Variants in CNTN3 observed in about 807,000 individuals in gnomAD.
CNTN3 encodes the protein contactin 3, also known as contactin-3.
CNTN3 carries 60 observed loss-of-function variants against 119.1 expected under a neutral mutation model. That is an observed-to-expected ratio of 0.50 (90% CI 0.41 to 0.62). CNTN3 has a LOEUF of 0.62. Ranked by LOEUF, CNTN3 falls within the 20% of genes least tolerant of loss-of-function variation. The pLI, the probability that CNTN3 is intolerant of heterozygous loss-of-function variation, is 0.00. For missense variants in CNTN3, 1,101 were observed against 1,242.4 expected (o/e 0.89, Z 1.71); for synonymous variants, 450 against 438.7 (o/e 1.03, Z -0.32).
intron 3 of CNTN3, among the ~76,000 whole-genome samples, chr3:74,493,148 G>T (rs576968373): frequency 6.6e-6 from 1 of 152,060 alleles, no homozygotes; most frequent in Admixed American, 6.6e-5. Context: ...TATCAGAAAT[G>T]GCAACCTTTT....
intron 1 of CNTN3, among the ~76,000 whole-genome samples, chr3:74,613,608 G>A (rs924072071): frequency 2.0e-5 from 3 of 152,164 alleles, no homozygotes; most frequent in Admixed American, 6.5e-5. Flanking sequence ...ATACGGATTG[G>A]AGAGTTGTAC....
chr3:74,612,555 C>G (rs901076787), intron 1 of CNTN3, among the ~76,000 whole-genome samples: 4 of 152,166 alleles, frequency 2.6e-5, no homozygotes, highest in Non-Finnish European at 5.9e-5. Context: ...TCTGTGGCGG[C>G]CACAGCCTGA....
intron 11 of CNTN3, among the ~76,000 whole-genome samples, chr3:74,345,150 C>T (rs1461855639): frequency 6.6e-6 from 1 of 152,194 alleles, no homozygotes; most frequent in Non-Finnish European, 1.5e-5. Flanking sequence ...TAATGTTGCT[C>T]AAGAAGCTGG....
chr3:74,295,417 T>A (rs902723441), intron 18 of CNTN3, among the ~76,000 whole-genome samples, 181 bp from the exon 19 acceptor site: 1 of 152,222 alleles, frequency 6.6e-6, no homozygotes, highest in Non-Finnish European at 1.5e-5. Context: ...AAAGATGGCA[T>A]CATAGCCAAA....
chr3:74,481,315 C>T (rs1282732042), intron 4 of CNTN3, among the ~76,000 whole-genome samples: 1 of 151,598 alleles, frequency 6.6e-6, no homozygotes, highest in Non-Finnish European at 1.5e-5. Context: ...TTTTTAAGGA[C>T]ATATGAATCA....
At chr3:74,523,061 C>G (rs1703566138) in intron 1 of CNTN3, among the ~76,000 whole-genome samples, 1 of 151,662 alleles carries the variant, frequency 6.6e-6, no homozygotes, top group South Asian at 2.1e-4. Context: ...CTGCTTGGAC[C>G]AAAGGGTCTC....
intron 5 of CNTN3, among the ~76,000 whole-genome samples, chr3:74,382,263 AT>A (rs1704640577): frequency 6.6e-6 from 1 of 152,128 alleles, no homozygotes; most frequent in South Asian, 2.1e-4. Context: ...ATAATTATAT[AT>A]TTTTATGGGG....
intron 11 of CNTN3, among the ~76,000 whole-genome samples, chr3:74,355,919 C>G (rs1457218260): frequency 6.6e-6 from 1 of 152,002 alleles, no homozygotes; most frequent in Non-Finnish European, 1.5e-5. Flanking sequence ...TCTCTCTGAA[C>G]ACTCCCCTCC....
chr3:74,561,624 A>G (rs1048281871), intron 1 of CNTN3, among the ~76,000 whole-genome samples: 119 of 152,078 alleles, frequency 7.8e-4, no homozygotes, highest in African/African-American at 2.9e-3. Flanking sequence ...TCTTCCCCTC[A>G]CGTCCCCCAC....
chr3:74,581,615 A>G (rs1353902804), intron 1 of CNTN3, among the ~76,000 whole-genome samples: 1 of 152,222 alleles, frequency 6.6e-6, no homozygotes, highest in Admixed American at 6.5e-5. Context: ...AGAAAGAGAT[A>G]AGATGATTCT....
chr3:74,614,361 G>A (rs1052668820), intron 1 of CNTN3, among the ~76,000 whole-genome samples, 30 bp downstream of exon 1: 25 of 151,876 alleles, frequency 1.6e-4, no homozygotes, highest in Admixed American at 7.2e-4. Flanking sequence ...TGGCCCGGCC[G>A]GCGCCAGGAG....
intron 5 of CNTN3, among the ~76,000 whole-genome samples, chr3:74,400,330 C>T (rs1705159720): frequency 6.6e-6 from 1 of 152,156 alleles, no homozygotes; most frequent in African/African-American, 2.4e-5. Context: ...CACCAAAGTT[C>T]AGAGCTGTTG....
intron 20 of CNTN3, among the ~76,000 whole-genome samples, chr3:74,277,180 CA>C (rs1163489087): frequency 1.3e-5 from 2 of 152,034 alleles, no homozygotes; most frequent in African/African-American, 4.8e-5. Context: ...CAGAAGGATT[CA>C]CAGCAGAATT....
chr3:74,602,619 T>G (rs1395273248), intron 1 of CNTN3, among the ~76,000 whole-genome samples: 2 of 152,106 alleles, frequency 1.3e-5, no homozygotes, highest in African/African-American at 2.4e-5. Context: ...TAAGAACTTT[T>G]GGGGCATAGT....
At chr3:74,451,668 A>G (rs1042360558) in intron 4 of CNTN3, among the ~76,000 whole-genome samples, 1 of 151,772 alleles carries the variant, frequency 6.6e-6, no homozygotes, top group African/African-American at 2.4e-5. Context: ...TAAGTCTTTA[A>G]TCCATCTTGA....
chr3:74,382,733 T>C (rs1704652050), intron 5 of CNTN3, among the ~76,000 whole-genome samples: 1 of 152,250 alleles, frequency 6.6e-6, no homozygotes, highest in Admixed American at 6.5e-5. Flanking sequence ...TATTCCACCA[T>C]GTATATATAC....
At chr3:74,405,262 C>T (rs1705296520) in intron 5 of CNTN3, among the ~76,000 whole-genome samples, 2 of 152,028 alleles carry the variant, frequency 1.3e-5, no homozygotes, top group Non-Finnish European at 2.9e-5. Context: ...CGATAATCTA[C>T]TCTTTCTCTC....
In CNTN3 at chr3:74,590,594, C is replaced by A. The variant is rs1179480099; in HGVS notation, c.-81+23797G>T. ...TTGACTCATTGATTGGGGAATATAC[C>A]AGGGTCTTTAGAGGATACAGGCCAT... is the stretch of plus-strand genomic sequence containing the variant. On this transcript the variant is annotated intron_variant, in intron 1 of 22. Coordinates refer to ENST00000263665, the MANE Select transcript of CNTN3 (RefSeq NM_020872.3). 2.0e-5 allele frequency among the ~76,000 whole-genome samples: 3 copies of A among 152,036 alleles called. No individual in the cohort carries two copies. The East Asian group carries it at 5.8e-4, about 29-fold the overall frequency.
chr3:74,441,873 G>A (rs897334599), intron 4 of CNTN3, among the ~76,000 whole-genome samples: 1 of 151,958 alleles, frequency 6.6e-6, no homozygotes, highest in Non-Finnish European at 1.5e-5. Context: ...GACAAATTAG[G>A]TTACCATTCT....
Sources: allele counts gnomAD v4.1 joint callset (sites outside exome capture counted in the v4.1 genomes callset), GRCh38; gene constraint gnomAD v4.1.1; transcripts MANE v1.5; gene names NCBI Gene and HGNC (gene_info 2026-07-23, HGNC 2026-07-21).